The following HNRNPM variants were observed in gnomAD, a reference collection of about 807,000 sequenced individuals.
HNRNPM encodes the protein CEA receptor.
HNRNPM carries 11 observed loss-of-function variants against 73.1 expected under a neutral mutation model. The ratio of observed to expected loss-of-function variants is 0.15; its 90% confidence interval spans 0.09 to 0.25. The LOEUF is 0.25. HNRNPM is among the 10% of genes least tolerant of loss of function. The probability of loss-of-function intolerance (pLI) is 1.00; values close to 1 mark genes in which losing one functional copy is unlikely to be tolerated. For synonymous variants in HNRNPM, 407 were observed against 355.2 expected (o/e 1.15, Z -1.64); for missense variants, 789 against 1,067.9 (o/e 0.74, Z 3.64).
rs201971803 is a variant in HNRNPM, at chr19:8,444,977, A to G, written c.-22A>G. On this transcript the variant is annotated 5_prime_UTR_variant, in exon 1 of 16. Coordinates refer to ENST00000325495, the MANE Select transcript of HNRNPM (RefSeq NM_005968.5). ...AGCGCGGTGCAGCCCGTTCGCTCAC[A>G]CAAAGCCCAGACGCGGAGAAAATGG... 1.4e-6 allele frequency: 2 copies of G among 1,383,094 alleles called. No homozygotes were observed. The highest frequency in any genetic ancestry group is 1.9e-6 in the Non-Finnish European group (2 of 1,066,784). The allele number at this position is 1,383,094 out of a possible 1,614,324, so 85.7% of individuals were successfully genotyped here. A position where few individuals can be genotyped will look rare whatever the true frequency, so the allele number is the denominator to read the frequency against.
chr19:8,473,837 TC>T, intron 11 of HNRNPM, 129 bp downstream of exon 11: 1 of 669,088 alleles, frequency 1.5e-6, no homozygotes, highest in Non-Finnish European at 2.6e-6. Context: ...AGAAATGACT[TC>T]CTCCTGCCTG....
At chr19:8,473,005 G>A (rs147772577) in intron 10 of HNRNPM, among the ~76,000 whole-genome samples, 172 of 152,292 alleles carry the variant, frequency 1.1e-3, no homozygotes, top group African/African-American at 3.9e-3. Context: ...GAGGCCTGGT[G>A]TGGTGGCTTA....
In HNRNPM at chr19:8,461,823, T is replaced by C. The variant is rs375175404; in HGVS notation, c.284-706T>C. 7.2e-5 allele frequency: 11 copies of C among 152,336 alleles called. 3 individuals are homozygous for C. The highest frequency in any genetic ancestry group is 2.4e-5 in the African/African-American group (1 of 41,580). The allele number at this position is 152,336 out of a possible 1,614,324, so 9.4% of individuals were successfully genotyped here. Reference sequence around the variant, plus strand: ...ATGCTGCTCTGGTTTTGTGATCTTATTATATTCAAACATTCTGCCTCTACA... The same window carrying C: ...ATGCTGCTCTGGTTTTGTGATCTTACTATATTCAAACATTCTGCCTCTACA... On this transcript the variant is annotated intron_variant, in intron 2 of 15. Transcript: ENST00000325495.
At chr19:8,463,373 A>C in intron 3 of HNRNPM, 124 bp from the exon 4 acceptor site, 1 of 1,129,474 alleles carries the variant, frequency 8.9e-7, no homozygotes, top group Admixed American at 1.9e-5. Context: ...TCATTTTAAA[A>C]GACTAACTTT....
chr19:8,446,182 T>A (rs1045669978), intron 1 of HNRNPM, among the ~76,000 whole-genome samples: 4 of 152,222 alleles, frequency 2.6e-5, no homozygotes, highest in Admixed American at 2.6e-4. Flanking sequence ...ATTTTAACCA[T>A]TTTTTAAGCG....
In HNRNPM at chr19:8,485,806, C is replaced by T; in HGVS notation, c.1378C>T (p.Leu460=). 4 of 1,600,852 alleles carry T rather than the reference C, an allele frequency of 2.5e-6. No individual in the cohort carries two copies. The highest frequency in any genetic ancestry group is 3.4e-6 in the Non-Finnish European group (4 of 1,178,602). ...CTCCGGCATTGAGCGCATGGGCCCG[C>T]TGGGCCTCGACCACATGGCCTCCAG... ...MGSGIERMGP[L]GLDHMASSIE... Residue 460 remains leucine, a synonymous_variant, in exon 14 of 16, where the codon CTG becomes TTG. Coordinates refer to ENST00000325495, the MANE Select transcript of HNRNPM (RefSeq NM_005968.5).
chr19:8,461,231 C>G (rs908091152), intron 2 of HNRNPM, among the ~76,000 whole-genome samples: 1 of 152,114 alleles, frequency 6.6e-6, no homozygotes, highest in Non-Finnish European at 1.5e-5. Context: ...ATGTGCAGAG[C>G]CATTAATAAA....
At chr19:8,471,614 T>C (rs1241337143) in intron 10 of HNRNPM, among the ~76,000 whole-genome samples, 187 bp downstream of exon 10, 1 of 152,256 alleles carries the variant, frequency 6.6e-6, no homozygotes, top group Non-Finnish European at 1.5e-5. Context: ...TGAGTCATTT[T>C]TTAAAAAGTC....
chr19:8,450,714 T>TA lies in HNRNPM; in HGVS notation c.114-4690dup, dbSNP rs763178838. On this transcript the variant is annotated intron_variant, in intron 1 of 15. Coordinates refer to ENST00000325495, the MANE Select transcript of HNRNPM (RefSeq NM_005968.5). ...GTATTTTTAATTTAATTTAATTAAT[T>TA]ATTATTATTATTATTTTTTTTTTTT... Among the ~76,000 whole-genome samples, 54 of 46,234 alleles carry TA rather than the reference T, an allele frequency of 1.2e-3. No homozygotes were observed. The East Asian group carries it at 0.052, about 44-fold the overall frequency. The allele number at this position is 46,234 out of a possible 152,430, so 30.3% of individuals were successfully genotyped here. A position where few individuals can be genotyped will look rare whatever the true frequency, so the allele number is the denominator to read the frequency against.
chr19:8,465,666 G>A, intron 6 of HNRNPM, 151 bp downstream of exon 6: 7 of 644,890 alleles, frequency 1.1e-5, no homozygotes, highest in South Asian at 2.2e-5. Context: ...CCTTATAGGC[G>A]GGCTTTGTCT....
rs777601785 is a variant in HNRNPM at position 8,486,368 on chromosome 19, G to GGGT, written c.1943_1945dup (p.Val648dup). 24 of 1,584,094 alleles carry GGGT rather than the reference G, an allele frequency of 1.5e-5. No individual in the cohort carries two copies. The East Asian group carries it at 5.4e-4, about 35-fold the overall frequency. ...GGTGGAGCTGGAGGCCATGCTCCTG[G>GGGT]GGTGGCCAGGAAGGCCTGCCAGATA... On this transcript the variant is annotated inframe_insertion, in exon 14 of 16. Coordinates refer to ENST00000325495, the MANE Select transcript of HNRNPM (RefSeq NM_005968.5).
intron 9 of HNRNPM, among the ~76,000 whole-genome samples, chr19:8,470,153 G>A (rs1299378888): frequency 6.6e-6 from 1 of 152,182 alleles, no homozygotes; most frequent in Non-Finnish European, 1.5e-5. Context: ...CGGCCATTTC[G>A]GAGGCTTGAC....
intron 2 of HNRNPM, among the ~76,000 whole-genome samples, chr19:8,459,961 TAGC>T (rs1239283121): frequency 2.6e-5 from 4 of 152,214 alleles, no homozygotes; most frequent in African/African-American, 9.7e-5. Flanking sequence ...GAATTTGTCT[TAGC>T]AGCCTACTCT....
Position 8,488,676 on chromosome 19 carries a change from C to T in HNRNPM, c.2030-15C>T. 5 of 1,601,208 alleles carry T rather than the reference C, an allele frequency of 3.1e-6. No homozygotes were observed. Among genetic ancestry groups the T allele is most frequent in the East Asian group, 2.2e-5 (1 of 44,670 alleles). On this transcript the variant is annotated splice_polypyrimidine_tract_variant and intron_variant, in intron 15 of 15. Transcript: ENST00000325495. ...TCGGGACTGAGTGTCGTCTCTTCTT[C>T]CCTCCCTGTCCTAGGCCACGTGCTG...
intron 10 of HNRNPM, 40 bp downstream of exon 10, chr19:8,471,467 G>A: frequency 7.7e-7 from 1 of 1,291,364 alleles, no homozygotes; most frequent in Non-Finnish European, 1.1e-6. Context: ...GTTTGGGGAA[G>A]TGAAAATTAT....
intron 12 of HNRNPM, among the ~76,000 whole-genome samples, chr19:8,481,865 T>C (rs1358601731): frequency 2.0e-5 from 3 of 151,928 alleles, no homozygotes; most frequent in Non-Finnish European, 2.9e-5. Flanking sequence ...GAAGTCTGTG[T>C]CTCTTGGTGA....
intron 7 of HNRNPM, 148 bp downstream of exon 7, chr19:8,466,536 C>A: frequency 1.1e-6 from 1 of 877,478 alleles, no homozygotes; most frequent in Non-Finnish European, 1.8e-6. Context: ...TTAAGAGGTT[C>A]TCTGGGCCGG....
In HNRNPM at chr19:8,470,204, C is replaced by T. The variant is rs144238460; in HGVS notation, c.896-1122C>T. Among the ~76,000 whole-genome samples the T allele has an allele frequency of 5.7e-3, 869 of 152,264 alleles. 12 individuals carry two copies. The highest frequency in any genetic ancestry group is 0.02 in the African/African-American group (828 of 41,570). ...GCTTTGGGAGAGTAAGTCACCGTGG[C>T]GATCTCTTGCTGCTGTTGCTATGCA... On this transcript the variant is annotated intron_variant, in intron 9 of 15. Transcript: ENST00000325495.
chr19:8,452,244 C>T (rs1029628634), intron 1 of HNRNPM, among the ~76,000 whole-genome samples: 1 of 152,220 alleles, frequency 6.6e-6, no homozygotes, highest in Non-Finnish European at 1.5e-5. Context: ...TGAGCTTAAG[C>T]AGTCTGGTGA....
Sources: gnomAD v4.1 joint callset for allele counts (sites outside exome capture counted in the v4.1 genomes callset) on GRCh38, gnomAD v4.1.1 for gene constraint, MANE v1.5 for transcripts, NCBI Gene and HGNC (gene_info 2026-07-23, HGNC 2026-07-21) for gene names.